The following STIM2 variants were observed in gnomAD, a reference collection of about 807,000 sequenced individuals.
STIM2 encodes stromal interaction molecule 2.
A neutral mutation model predicts 85.8 loss-of-function variants in STIM2; 31 were observed. The observed-to-expected ratio is 0.36, with a 90% CI of 0.27 to 0.49. The LOEUF is 0.49. Among genes scored for constraint, STIM2 ranks in the 20% least tolerant of loss-of-function variants. The pLI is 0.98. For synonymous variants in STIM2, 356 were observed against 331.1 expected, an observed-to-expected ratio of 1.08 and a Z score of -0.82; for missense variants, 841 against 927.6, an observed-to-expected ratio of 0.91 and a Z score of 1.21.
rs989163908 is a variant in STIM2, at chr4:26,861,321, G to A, written c.103G>A (p.Ala35Thr). Residue 35 changes from alanine to threonine, a missense_variant, in exon 1 of 12, where the codon GCC becomes ACC. Physicochemically the swap from Ala to Thr is moderately conservative, Grantham distance 58 (BLOSUM62 0). Around this residue, in one of 3 missense-constraint regions of STIM2, gnomAD observed 140 missense variants for 117.7 expected, o/e 1.19. Coordinates refer to ENST00000467087, the MANE Select transcript of STIM2 (RefSeq NM_020860.4). Reference sequence around the variant, plus strand: ...GGCGACTGGCTCTGCCGCAACTGCCGCCTCCTCTCCCGCCGCGGCGGCCGG... The same window carrying A: ...GGCGACTGGCTCTGCCGCAACTGCCACCTCCTCTCCCGCCGCGGCGGCCGG... 3 of 1,405,824 alleles carry A rather than the reference G, an allele frequency of 2.1e-6. No homozygotes were observed. Among genetic ancestry groups the A allele is most frequent in the Non-Finnish European group, 9.2e-7 (1 of 1,083,300 alleles). 87.1% of individuals were successfully genotyped at this position (1,405,824 alleles called of 1,614,324 possible). A position where few individuals can be genotyped will look rare whatever the true frequency, so the allele number is the denominator to read the frequency against.
chr4:27,013,370 T>C (rs1010684134), intron 10 of STIM2, among the ~76,000 whole-genome samples: 1 of 152,064 alleles, frequency 6.6e-6, no homozygotes, highest in African/African-American at 2.4e-5. Flanking sequence ...AATTAAACTT[T>C]ATTATAGGTA....
chr4:27,012,741 T>TTA lies in STIM2; in HGVS notation c.1489+3740_1489+3741dup, dbSNP rs1728600545. 2.0e-5 allele frequency among the ~76,000 whole-genome samples: 3 copies of TTA among 152,190 alleles called. No homozygotes were observed. The South Asian group carries it at 6.2e-4, about 32-fold the overall frequency. ...GCAATAGGGATTGCCATTTCTGACT[T>TTA]TAAAGAGAATGCTGCCAGAATTTCA... On this transcript the variant is annotated intron_variant, in intron 10 of 11. Coordinates refer to ENST00000467087, the MANE Select transcript of STIM2 (RefSeq NM_020860.4).
chr4:27,005,896 G>A (rs1169871664), intron 7 of STIM2, among the ~76,000 whole-genome samples: 2 of 152,196 alleles, frequency 1.3e-5, no homozygotes, highest in African/African-American at 2.4e-5. Flanking sequence ...AATGAATTTT[G>A]TTGAGATTCT....
chr4:27,018,312 T>TC (rs1461070179), intron 11 of STIM2, among the ~76,000 whole-genome samples: 1 of 152,054 alleles, frequency 6.6e-6, no homozygotes, highest in Non-Finnish European at 1.5e-5. Flanking sequence ...AGGACGGAGG[T>TC]CCCCGTGTCT....
intron 3 of STIM2, among the ~76,000 whole-genome samples, chr4:26,988,510 CTG>C (rs973302407): frequency 2.6e-5 from 4 of 152,188 alleles, no homozygotes; most frequent in Admixed American, 2.6e-4. Context: ...CATAAACTAT[CTG>C]TGGTACCTTA....
intron 1 of STIM2, among the ~76,000 whole-genome samples, chr4:26,902,193 G>A (rs949677364): frequency 6.6e-6 from 1 of 152,172 alleles, no homozygotes; most frequent in Non-Finnish European, 1.5e-5. Context: ...ACCATTACAG[G>A]AACACTTCGG....
intron 1 of STIM2, among the ~76,000 whole-genome samples, chr4:26,876,963 T>C (rs1722836136): frequency 6.6e-6 from 1 of 152,222 alleles, no homozygotes; most frequent in Non-Finnish European, 1.5e-5. Flanking sequence ...CCTTTTGCTT[T>C]GACTTGCCTG....
chr4:26,970,641 T>A (rs1726910988), intron 3 of STIM2, among the ~76,000 whole-genome samples: 2 of 152,218 alleles, frequency 1.3e-5, no homozygotes, highest in African/African-American at 4.8e-5. Context: ...ATTCAGTCTA[T>A]CATTGTTGAA....
chr4:26,972,216 A>AT (rs1209754268), intron 3 of STIM2, among the ~76,000 whole-genome samples: 1 of 152,080 alleles, frequency 6.6e-6, no homozygotes, highest in African/African-American at 2.4e-5. Flanking sequence ...TCCTTTCCTA[A>AT]TTGAATACCC....
At chr4:26,902,132 G>A (rs919301377) in intron 1 of STIM2, among the ~76,000 whole-genome samples, 2 of 152,098 alleles carry the variant, frequency 1.3e-5, no homozygotes, top group Non-Finnish European at 2.9e-5. Context: ...AAGAGATATG[G>A]TAGCTGTAAA....
In STIM2 at chr4:27,017,907, C is replaced by G; in HGVS notation, c.1686C>G (p.Leu562=). 1 of 1,614,132 alleles carries G rather than the reference C, an allele frequency of 6.2e-7. No individual in the cohort carries two copies. The highest frequency in any genetic ancestry group is 8.5e-7 in the Non-Finnish European group (1 of 1,180,032). Residue 562 remains leucine, a synonymous_variant, in exon 11 of 12, where the codon CTC becomes CTG. Transcript: ENST00000467087. The stretch of plus-strand genomic sequence containing the variant: ...TGCCTTCCCCTGATCCAGATATCCT[C>G]TCAGTGTCAAGTTGCCCTGCGCTTT...
chr4:26,866,982 G>A (rs1199724663), intron 1 of STIM2, among the ~76,000 whole-genome samples: 1 of 152,076 alleles, frequency 6.6e-6, no homozygotes, highest in African/African-American at 2.4e-5. Flanking sequence ...TTGAAGATGG[G>A]GGTGACATGT....
chr4:26,896,570 G>A (rs1723712248), intron 1 of STIM2, among the ~76,000 whole-genome samples: 1 of 152,086 alleles, frequency 6.6e-6, no homozygotes, highest in South Asian at 2.1e-4. Context: ...TTTGAACTAA[G>A]TGTATTCTCA....
At chr4:26,950,303 ATTATC>A (rs1367029241) in intron 2 of STIM2, among the ~76,000 whole-genome samples, 8 of 152,190 alleles carry the variant, frequency 5.3e-5, no homozygotes, top group African/African-American at 1.2e-4. Context: ...TCTTATTGGT[ATTATC>A]TTATGTACAA....
At chr4:26,982,868 T>G (rs1727449684) in intron 3 of STIM2, among the ~76,000 whole-genome samples, 1 of 152,236 alleles carries the variant, frequency 6.6e-6, no homozygotes, top group Non-Finnish European at 1.5e-5. Flanking sequence ...GCTTAACTCC[T>G]TTTTCTATTT....
chr4:26,895,190 C>T (rs1036575181), intron 1 of STIM2, among the ~76,000 whole-genome samples: 7 of 152,092 alleles, frequency 4.6e-5, no homozygotes, highest in African/African-American at 9.7e-5. Flanking sequence ...CCAGCCTAGG[C>T]GACAGAGTGA....
intron 2 of STIM2, among the ~76,000 whole-genome samples, chr4:26,929,506 G>C (rs867411090): frequency 6.6e-6 from 1 of 151,896 alleles, no homozygotes; most frequent in Non-Finnish European, 1.5e-5. Flanking sequence ...TTAATTTCTT[G>C]TGATTTTAGC....
chr4:26,905,008 G>A (rs1724071561), intron 1 of STIM2, among the ~76,000 whole-genome samples: 1 of 152,096 alleles, frequency 6.6e-6, no homozygotes, highest in South Asian at 2.1e-4. Context: ...GGTTGTGGGA[G>A]TTTATGGAAG....
chr4:26,886,869 G>A (rs1723270322), intron 1 of STIM2, among the ~76,000 whole-genome samples: 1 of 152,186 alleles, frequency 6.6e-6, no homozygotes, highest in Non-Finnish European at 1.5e-5. Flanking sequence ...AGAAGGTCTA[G>A]TCTTAGAGCA....
Sources: allele counts gnomAD v4.1 joint callset (sites outside exome capture counted in the v4.1 genomes callset), GRCh38; gene constraint gnomAD v4.1.1; regional missense constraint gnomAD v4.1.1; transcripts MANE v1.5; gene names NCBI Gene and HGNC (gene_info 2026-07-23, HGNC 2026-07-21).